Variants in PPIG observed in about 807,000 individuals in gnomAD.
The protein encoded by PPIG is peptidyl-prolyl cis-trans isomerase G.
PPIG carries 26 observed loss-of-function variants against 87.9 expected under a neutral mutation model. That is an observed-to-expected ratio of 0.30 (90% confidence interval 0.22 to 0.41). The LOEUF (loss-of-function observed/expected upper bound fraction) is 0.41, where lower values mean the gene tolerates loss of function less well. Ranked by LOEUF, PPIG falls within the 10% of genes least tolerant of loss-of-function variation. The pLI is 1.00. For missense variants in PPIG, 722 were observed against 879.4 expected (o/e 0.82, Z 2.26); for synonymous variants, 308 against 276.5 (o/e 1.11, Z -1.13).
In PPIG at chr2:169,637,118, T is replaced by C. The variant is rs1161387324; in HGVS notation, c.1860T>C (p.Asp620=). 26 of 1,611,066 alleles carry C rather than the reference T, an allele frequency of 1.6e-5. No homozygotes were observed. The Middle Eastern group carries it at 4.9e-4, about 31-fold the overall frequency. Residue 620 remains aspartate (D), a synonymous_variant, in exon 14 of 14, where the codon GAT becomes GAC. Coordinates refer to ENST00000260970, the MANE Select transcript of PPIG (RefSeq NM_004792.3). ...CACCAGGAAGATCAAGAAGTAAAGA[T>C]AGGAGGAGAAGGAGGAGAGACTCAC... ...RTPPGRSRSK[D]RRRRRRDSRS... is the part of the protein sequence containing the mutation.
intron 9 of PPIG, among the ~76,000 whole-genome samples, chr2:169,614,969 A>G (rs528015679): frequency 3.3e-5 from 5 of 152,216 alleles, no homozygotes; most frequent in Non-Finnish European, 7.4e-5. Flanking sequence ...GCTAATTAAC[A>G]TTTATTGCCT....
Position 169,584,770 on chromosome 2 carries a change from C to G in PPIG, c.-70+280C>G, listed in dbSNP as rs1684651814. 9.8e-6 allele frequency: 3 copies of G among 307,558 alleles called. No homozygotes were observed. In the East Asian group the frequency reaches 3.8e-4, roughly 39 times the overall value. The allele number at this position is 307,558 out of a possible 1,614,324, so 19.1% of individuals were successfully genotyped here. On this transcript the variant is annotated intron_variant, in intron 1 of 13. Coordinates refer to ENST00000260970, the MANE Select transcript of PPIG (RefSeq NM_004792.3). ...CCAGCCCCCGCCCTCCCCACTCAGG[C>G]GCACACCTCCCTCACTGACGCATTT...
chr2:169,598,843 G>GTATATAAATACAGGTAAATATATT (rs57860831), intron 1 of PPIG, among the ~76,000 whole-genome samples: 23,297 of 110,136 alleles, frequency 0.21, 2,070 homozygotes, highest in African/African-American at 0.28. Context: ...ATATTTATAT[G>GTATATAAATACAGGTAAATATATT]TATATAAATA....
intron 9 of PPIG, among the ~76,000 whole-genome samples, chr2:169,621,257 G>A (rs565588076): frequency 1.5e-4 from 23 of 151,456 alleles, no homozygotes; most frequent in Non-Finnish European, 2.8e-4. Context: ...TAAAACATCC[G>A]AGATGGGCAT....
At chr2:169,615,560 A>G (rs1402320902) in intron 9 of PPIG, among the ~76,000 whole-genome samples, 2 of 152,228 alleles carry the variant, frequency 1.3e-5, no homozygotes, top group South Asian at 2.1e-4. Flanking sequence ...AAGTGAGTTC[A>G]TATGGTATTC....
At chr2:169,615,906 AT>A (rs1685598144) in intron 9 of PPIG, among the ~76,000 whole-genome samples, 1 of 152,166 alleles carries the variant, frequency 6.6e-6, no homozygotes, top group Non-Finnish European at 1.5e-5. Context: ...ATGCCGGTTT[AT>A]TACATAGGTA....
At chr2:169,599,933 A>G (rs1685130774) in intron 1 of PPIG, among the ~76,000 whole-genome samples, 1 of 152,138 alleles carries the variant, frequency 6.6e-6, no homozygotes, top group Non-Finnish European at 1.5e-5. Flanking sequence ...TTTTTTCATA[A>G]GTTCAAATCT....
rs1042258561 is a variant in PPIG, at chr2:169,639,696, A to T, written c.*2173A>T. The T allele has an allele frequency of 6.6e-6, 1 of 152,138 alleles. No homozygotes were observed. The highest frequency in any genetic ancestry group is 1.5e-5 in the Non-Finnish European group (1 of 67,978). The allele number at this position is 152,138 out of a possible 1,614,324, so 9.4% of individuals were successfully genotyped here. ...TTGAGAGGACAATCAACTAGATTTTATTTTTAGAATATAAAGAACATTTTT... is the reference window on the plus strand; with the variant it reads ...TTGAGAGGACAATCAACTAGATTTTTTTTTTAGAATATAAAGAACATTTTT... On this transcript the variant is annotated 3_prime_UTR_variant, in exon 14 of 14. Transcript: ENST00000260970.
intron 4 of PPIG, among the ~76,000 whole-genome samples, chr2:169,605,521 C>A (rs1391738860): frequency 1.4e-5 from 2 of 141,574 alleles, no homozygotes; most frequent in Non-Finnish European, 2.9e-5. Flanking sequence ...AAAATAGAGG[C>A]CAAGTGTGGT....
intron 7 of PPIG, among the ~76,000 whole-genome samples, chr2:169,613,152 A>G (rs927587098): frequency 1.3e-5 from 2 of 152,224 alleles, no homozygotes; most frequent in Non-Finnish European, 2.9e-5. Context: ...TCTAAATGCA[A>G]ATCATATATA....
chr2:169,615,901 G>A (rs35489159), intron 9 of PPIG, among the ~76,000 whole-genome samples: 40,818 of 151,922 alleles, frequency 0.27, 5,712 homozygotes, highest in Non-Finnish European at 0.31. Flanking sequence ...AGAACATGCC[G>A]GTTTATTACA....
At position 169,637,418 on chromosome 2, in the gene PPIG, A is replaced by G; in HGVS notation, c.2160A>G (p.Lys720=). The change falls in exon 14 of 14, where the codon AAA becomes AAG. Residue 720 remains lysine, a synonymous_variant. Transcript: ENST00000260970. ...EDEKIRSSVE[K]ENQKSKGQEN... ...AGAAGATCAGATCCTCAGTGGAAAAAGAAAACCAAAAATCAAAAGGTCAAG... is the reference window on the plus strand; with the variant it reads ...AGAAGATCAGATCCTCAGTGGAAAAGGAAAACCAAAAATCAAAAGGTCAAG... 1 of 1,612,890 alleles carries G rather than the reference A, an allele frequency of 6.2e-7. No homozygotes were observed. Among genetic ancestry groups the G allele is most frequent in the Non-Finnish European group, 8.5e-7 (1 of 1,179,746 alleles).
At chr2:169,620,101 T>G (rs536126708) in intron 9 of PPIG, among the ~76,000 whole-genome samples, 2 of 152,226 alleles carry the variant, frequency 1.3e-5, no homozygotes, top group East Asian at 3.9e-4. Flanking sequence ...CCATTTGTCT[T>G]ATTTTTGCTT....
At chr2:169,588,728 G>A (rs922868407) in intron 1 of PPIG, among the ~76,000 whole-genome samples, 16 of 152,038 alleles carry the variant, frequency 1.1e-4, no homozygotes, top group African/African-American at 2.9e-4. Flanking sequence ...TTGGGAGGCC[G>A]AGGTGGGTGG....
chr2:169,631,072 A>G, intron 10 of PPIG, 85 bp downstream of exon 10: 1 of 1,219,636 alleles, frequency 8.2e-7, no homozygotes, highest in African/African-American at 1.5e-5. Context: ...AATTATATGA[A>G]ACTGTTAAAA....
chr2:169,635,475 G>A (rs974734990), intron 12 of PPIG, among the ~76,000 whole-genome samples: 1 of 152,010 alleles, frequency 6.6e-6, no homozygotes, highest in Non-Finnish European at 1.5e-5. Context: ...CTGCATATAT[G>A]TTTAACATAT....
intron 5 of PPIG, among the ~76,000 whole-genome samples, chr2:169,606,577 G>A (rs1206017207): frequency 2.5e-5 from 2 of 81,618 alleles, no homozygotes; most frequent in Non-Finnish European, 4.2e-5. Flanking sequence ...GAATGACAGA[G>A]CAAGACTCTG....
rs76456111 is a variant in PPIG at position 169,589,680 on chromosome 2, G to A, written c.-70+5190G>A. ...TTTTTGGGGGGGGTTGTTTTTTTGG[G>A]AAACAAAACACTTCCTAGTAGATCT... On this transcript the variant is annotated intron_variant, in intron 1 of 13. Transcript: ENST00000260970. 2.3e-4 allele frequency among the ~76,000 whole-genome samples: 35 copies of A among 152,140 alleles called. No individual in the cohort carries two copies. In the East Asian group the frequency reaches 6.8e-3, roughly 29 times the overall value.
intron 2 of PPIG, 74 bp from the exon 3 acceptor site, chr2:169,603,952 A>AT (rs879016703): frequency 4.6e-5 from 53 of 1,160,490 alleles, no homozygotes; most frequent in South Asian, 6.8e-5. Context: ...GTTTCACAGA[A>AT]TTTTTTTTCC....
Sources: gnomAD v4.1 joint callset for allele counts (sites outside exome capture counted in the v4.1 genomes callset) on GRCh38, gnomAD v4.1.1 for gene constraint, MANE v1.5 for transcripts, NCBI Gene and HGNC (gene_info 2026-07-23, HGNC 2026-07-21) for gene names.